CNTNAP2: variants seen among roughly 807,000 people sequenced by gnomAD.
CNTNAP2 encodes contactin-associated protein-like 2.
In CNTNAP2, 98 loss-of-function variants were observed where a neutral mutation model predicts 155.2. That is an observed-to-expected ratio of 0.63 (90% CI 0.54 to 0.75). The LOEUF (loss-of-function observed/expected upper bound fraction) is 0.75. CNTNAP2 is among the 30% of genes least tolerant of loss of function. CNTNAP2 has a pLI of 0.00. For synonymous variants in CNTNAP2, 651 were observed against 631.2 expected, an observed-to-expected ratio of 1.03 and a Z score of -0.47; for missense variants, 1,727 against 1,688.1, an observed-to-expected ratio of 1.02 and a Z score of -0.40.
At chr7:147,812,278 C>T (rs1289658846) in intron 13 of CNTNAP2, among the ~76,000 whole-genome samples, 1 of 152,096 alleles carries the variant, frequency 6.6e-6, no homozygotes, top group Non-Finnish European at 1.5e-5. Context: ...TCTTTCTTTT[C>T]TCACATTAGA....
At chr7:148,147,283 C>T (rs994223115) in intron 16 of CNTNAP2, among the ~76,000 whole-genome samples, 1 of 152,136 alleles carries the variant, frequency 6.6e-6, no homozygotes. Flanking sequence ...ATATACCTGA[C>T]ACATAGACCC....
At chr7:146,685,258 C>G (rs183157241) in intron 1 of CNTNAP2, among the ~76,000 whole-genome samples, 5 of 152,006 alleles carry the variant, frequency 3.3e-5, no homozygotes, top group Non-Finnish European at 7.4e-5. Flanking sequence ...TGGTATTGTG[C>G]CGCTTTATTT....
At chr7:147,650,720 G>T (rs555210292) in intron 13 of CNTNAP2, among the ~76,000 whole-genome samples, 3 of 152,096 alleles carry the variant, frequency 2.0e-5, no homozygotes, top group Non-Finnish European at 4.4e-5. Flanking sequence ...AGTTAAGTTT[G>T]TGGGGAGTCA....
At chr7:146,929,563 C>G (rs1563006604) in intron 3 of CNTNAP2, among the ~76,000 whole-genome samples, 1 of 152,180 alleles carries the variant, frequency 6.6e-6, no homozygotes. Context: ...CAGTTCCTCA[C>G]CAGCAACGGA....
At chr7:148,282,836 A>T (rs1483640395) in intron 21 of CNTNAP2, among the ~76,000 whole-genome samples, 1 of 109,910 alleles carries the variant, frequency 9.1e-6, no homozygotes, top group Non-Finnish European at 1.9e-5. Context: ...GTTAAAGAAG[A>T]TTGTCAAAAC....
At chr7:146,687,185 T>C (rs1415302407) in intron 1 of CNTNAP2, among the ~76,000 whole-genome samples, 2 of 152,156 alleles carry the variant, frequency 1.3e-5, no homozygotes, top group African/African-American at 4.8e-5. Flanking sequence ...GCCACAGAAC[T>C]TATCAAAACT....
intron 11 of CNTNAP2, among the ~76,000 whole-genome samples, chr7:147,526,802 G>A (rs1413901103): frequency 6.6e-6 from 1 of 152,170 alleles, no homozygotes; most frequent in African/African-American, 2.4e-5. Flanking sequence ...CCACCGGTAT[G>A]TCAAGTATTA....
chr7:147,254,750 A>T (rs4725708), intron 8 of CNTNAP2, among the ~76,000 whole-genome samples: 122,150 of 152,134 alleles, frequency 0.8, 49,495 homozygotes, highest in African/African-American at 0.92. Flanking sequence ...GAATCTGAGG[A>T]ATGACTTTAG....
At chr7:147,546,786 C>T (rs1022033347) in intron 11 of CNTNAP2, among the ~76,000 whole-genome samples, 2 of 152,198 alleles carry the variant, frequency 1.3e-5, no homozygotes, top group African/African-American at 4.8e-5. Context: ...AAACACATCG[C>T]AGATCTTTCT....
At chr7:146,386,287 A>G (rs548741792) in intron 1 of CNTNAP2, among the ~76,000 whole-genome samples, 32 of 152,326 alleles carry the variant, frequency 2.1e-4, no homozygotes, top group African/African-American at 7.5e-4. Context: ...AATTAAAGCA[A>G]TGTTCAATGC....
intron 9 of CNTNAP2, among the ~76,000 whole-genome samples, chr7:147,393,068 G>T (rs1449097034): frequency 6.6e-6 from 1 of 152,024 alleles, no homozygotes; most frequent in African/African-American, 2.4e-5. Context: ...AGACCAAGTT[G>T]CAGAGTTTTC....
chr7:146,470,001 G>A (rs1584940030), intron 1 of CNTNAP2, among the ~76,000 whole-genome samples: 1 of 151,432 alleles, frequency 6.6e-6, no homozygotes, highest in Admixed American at 6.6e-5. Flanking sequence ...CACCACGCCC[G>A]GCTAATTTTT....
At chr7:146,924,242 AT>A (rs148697086) in intron 3 of CNTNAP2, among the ~76,000 whole-genome samples, 35 of 151,796 alleles carry the variant, frequency 2.3e-4, no homozygotes, top group African/African-American at 8.0e-4. Flanking sequence ...ATAAAATTAG[AT>A]TTTTTTTAAA....
chr7:147,629,445 TAATAG>T (rs1242190250), intron 12 of CNTNAP2, among the ~76,000 whole-genome samples: 1 of 134,556 alleles, frequency 7.4e-6, no homozygotes, highest in Non-Finnish European at 1.6e-5. Flanking sequence ...ATAATAATAA[TAATAG>T]ACATAAACTA....
At chr7:146,902,493 C>T (rs1796024410) in intron 3 of CNTNAP2, among the ~76,000 whole-genome samples, 1 of 152,240 alleles carries the variant, frequency 6.6e-6, no homozygotes, top group East Asian at 1.9e-4. Context: ...GGCAAGTTTC[C>T]ACCACATTGT....
intron 12 of CNTNAP2, among the ~76,000 whole-genome samples, chr7:147,569,765 A>G (rs959873453): frequency 6.6e-6 from 1 of 152,174 alleles, no homozygotes; most frequent in Non-Finnish European, 1.5e-5. Flanking sequence ...TTTCCTTAGC[A>G]GTTTACAGTA....
chr7:146,482,356 G>A (rs1016151732), intron 1 of CNTNAP2, among the ~76,000 whole-genome samples: 2 of 151,442 alleles, frequency 1.3e-5, no homozygotes, highest in Admixed American at 1.3e-4. Flanking sequence ...TGTTTTGTAT[G>A]TGAATGCATA....
chr7:147,353,968 G>A (rs890659463), intron 9 of CNTNAP2, among the ~76,000 whole-genome samples: 6 of 112,276 alleles, frequency 5.3e-5, no homozygotes, highest in African/African-American at 2.0e-4. Flanking sequence ...CATATCCTTC[G>A]CCCACTTTTT....
chr7:146,265,170 A>G (rs1799974985), intron 1 of CNTNAP2, among the ~76,000 whole-genome samples: 1 of 152,230 alleles, frequency 6.6e-6, no homozygotes, highest in African/African-American at 2.4e-5. Context: ...ATCTCATATT[A>G]CCATGTTATA....
Sources: allele counts gnomAD v4.1 joint callset (sites outside exome capture counted in the v4.1 genomes callset), GRCh38; gene constraint gnomAD v4.1.1; transcripts MANE v1.5; gene names NCBI Gene and HGNC (gene_info 2026-07-23, HGNC 2026-07-21).